The following ZHX2 variants were observed in gnomAD, a reference collection of about 807,000 sequenced individuals.
The protein encoded by ZHX2 is zinc fingers and homeoboxes 2.
A neutral mutation model predicts 21.9 loss-of-function variants in ZHX2; 6 were observed. That is an observed-to-expected ratio of 0.27 (90% CI 0.15 to 0.54). The LOEUF (loss-of-function observed/expected upper bound fraction) is 0.54, where lower values mean the gene tolerates loss of function less well. Ranked by LOEUF, ZHX2 falls within the 20% of genes least tolerant of loss-of-function variation. ZHX2 has a pLI of 0.95. For synonymous variants in ZHX2, 434 were observed against 437.1 expected (o/e 0.99, Z 0.09); for missense variants, 908 against 1,090.7 (o/e 0.83, Z 2.36).
intron 1 of ZHX2, among the ~76,000 whole-genome samples, chr8:122,823,706 A>G (rs538945862): frequency 7.9e-5 from 12 of 152,324 alleles, no homozygotes; most frequent in Admixed American, 7.2e-4. Context: ...TGGGAAATGC[A>G]TACTGATCTA....
chr8:122,829,984 T>C (rs1220005453), intron 1 of ZHX2, among the ~76,000 whole-genome samples: 1 of 152,184 alleles, frequency 6.6e-6, no homozygotes, highest in Non-Finnish European at 1.5e-5. Flanking sequence ...TTCAATATTG[T>C]CAGAGCTATT....
At chr8:122,900,635 T>G (rs1820206405) in intron 2 of ZHX2, among the ~76,000 whole-genome samples, 1 of 152,202 alleles carries the variant, frequency 6.6e-6, no homozygotes, top group African/African-American at 2.4e-5. Flanking sequence ...CAATATACGT[T>G]GGCCCTTAAT....
chr8:122,813,927 T>G (rs1817979360), intron 1 of ZHX2, among the ~76,000 whole-genome samples: 1 of 152,228 alleles, frequency 6.6e-6, no homozygotes, highest in South Asian at 2.1e-4. Flanking sequence ...CATTACATCA[T>G]TCAGTCCTCC....
intron 1 of ZHX2, among the ~76,000 whole-genome samples, chr8:122,854,172 T>G (rs1006403540): frequency 7.9e-5 from 12 of 152,164 alleles, no homozygotes; most frequent in Non-Finnish European, 1.8e-4. Flanking sequence ...GGACTTCCAA[T>G]GCAGGGCCAC....
At chr8:122,945,436 CAAAAAAA>C (rs60890533) in intron 2 of ZHX2, among the ~76,000 whole-genome samples, 1,953 of 73,568 alleles carry the variant, frequency 0.027, 36 homozygotes, top group African/African-American at 0.12. Flanking sequence ...CCTGTCTCTG[CAAAAAAA>C]AAAAAAAAAA....
intron 2 of ZHX2, among the ~76,000 whole-genome samples, chr8:122,916,007 C>T (rs1416434294): frequency 1.3e-5 from 2 of 152,192 alleles, no homozygotes; most frequent in Non-Finnish European, 2.9e-5. Context: ...ACTCTAGTTC[C>T]CGGGCCATCT....
chr8:122,921,069 G>GTTTTT (rs1820726219), intron 2 of ZHX2, among the ~76,000 whole-genome samples: 1 of 150,714 alleles, frequency 6.6e-6, no homozygotes, highest in African/African-American at 2.5e-5. Context: ...GTTTTTTTTT[G>GTTTTT]GTTTTGTTTT....
At chr8:122,956,857 G>T (rs1236727726) in intron 3 of ZHX2, among the ~76,000 whole-genome samples, 1 of 152,022 alleles carries the variant, frequency 6.6e-6, no homozygotes, top group East Asian at 1.9e-4. Flanking sequence ...TTCTCCAGAG[G>T]CCCCGGTCCC....
At chr8:122,918,675 G>C (rs566056226) in intron 2 of ZHX2, among the ~76,000 whole-genome samples, 3 of 152,140 alleles carry the variant, frequency 2.0e-5, no homozygotes. Flanking sequence ...GTCCGGGCGC[G>C]GTGGCTCACA....
intron 1 of ZHX2, among the ~76,000 whole-genome samples, chr8:122,808,035 T>C (rs373405096): frequency 6.6e-6 from 1 of 152,240 alleles, no homozygotes; most frequent in African/African-American, 2.4e-5. Context: ...TAGTGCCTGC[T>C]TCTAACTCTG....
chr8:122,827,511 G>A (rs1818287930), intron 1 of ZHX2, among the ~76,000 whole-genome samples: 1 of 152,146 alleles, frequency 6.6e-6, no homozygotes, highest in Non-Finnish European at 1.5e-5. Flanking sequence ...AAGAAAGTTG[G>A]TACTAATAGA....
intron 2 of ZHX2, among the ~76,000 whole-genome samples, chr8:122,906,532 A>T (rs1820350211): frequency 1.3e-5 from 2 of 152,218 alleles, no homozygotes; most frequent in Admixed American, 6.5e-5. Context: ...AATAAACTGC[A>T]TATGTAGGTG....
At chr8:122,902,503 A>G (rs888884086) in intron 2 of ZHX2, among the ~76,000 whole-genome samples, 1 of 152,214 alleles carries the variant, frequency 6.6e-6, no homozygotes, top group Non-Finnish European at 1.5e-5. Flanking sequence ...ACAAATTTAT[A>G]TACATAAGGA....
chr8:122,849,410 G>T (rs1310239103), intron 1 of ZHX2, among the ~76,000 whole-genome samples: 1 of 152,210 alleles, frequency 6.6e-6, no homozygotes, highest in African/African-American at 2.4e-5. Context: ...TACAAACTGG[G>T]TGGGTTAAAG....
intron 3 of ZHX2, among the ~76,000 whole-genome samples, chr8:122,955,586 C>T (rs997564165): frequency 6.6e-6 from 1 of 152,160 alleles, no homozygotes; most frequent in Non-Finnish European, 1.5e-5. Flanking sequence ...AGCACTTTAA[C>T]GAGCAGCCAA....
intron 1 of ZHX2, among the ~76,000 whole-genome samples, chr8:122,822,481 C>T (rs967218789): frequency 2.0e-5 from 3 of 152,156 alleles, no homozygotes; most frequent in African/African-American, 7.2e-5. Context: ...AAAAGGAGGC[C>T]TGATGTGCTA....
chr8:122,848,663 G>T (rs924885211), intron 1 of ZHX2, among the ~76,000 whole-genome samples: 30 of 152,314 alleles, frequency 2.0e-4, no homozygotes, highest in African/African-American at 6.0e-4. Context: ...GTTTTGCCTG[G>T]ATTCCCATAT....
intron 1 of ZHX2, among the ~76,000 whole-genome samples, chr8:122,841,263 G>A (rs898921779): frequency 2.0e-5 from 3 of 152,158 alleles, no homozygotes; most frequent in Non-Finnish European, 4.4e-5. Flanking sequence ...GAGGCCTGGG[G>A]ATAGCGGGAA....
At chr8:122,959,619 T>C (rs1230885318) in intron 3 of ZHX2, among the ~76,000 whole-genome samples, 1 of 152,164 alleles carries the variant, frequency 6.6e-6, no homozygotes, top group Non-Finnish European at 1.5e-5. Flanking sequence ...ATCCTTTTGC[T>C]TGTCCTCATT....
Sources: allele counts gnomAD v4.1 joint callset (sites outside exome capture counted in the v4.1 genomes callset), GRCh38; gene constraint gnomAD v4.1.1; transcripts MANE v1.5; gene names NCBI Gene and HGNC (gene_info 2026-07-23, HGNC 2026-07-21).